The following TMIGD1 variants were observed in gnomAD, a reference collection of about 807,000 sequenced individuals.
The protein encoded by TMIGD1 is transmembrane and immunoglobulin domain containing 1.
In TMIGD1, 29 loss-of-function variants were observed where a neutral mutation model predicts 27.5. The observed-to-expected ratio is 1.05, with a 90% CI of 0.78 to 1.44. TMIGD1 has a LOEUF of 1.44. Ranked by LOEUF, TMIGD1 falls within the 40% of genes most tolerant of loss-of-function variation. The pLI is 0.00. For synonymous variants in TMIGD1, 109 were observed against 110.3 expected, an observed-to-expected ratio of 0.99 and a Z score of 0.07; for missense variants, 334 against 310.6, an observed-to-expected ratio of 1.08 and a Z score of -0.57.
At chr17:30,325,919 CA>C (rs1184953007) in intron 3 of TMIGD1, among the ~76,000 whole-genome samples, 1 of 129,458 alleles carries the variant, frequency 7.7e-6, no homozygotes, top group Non-Finnish European at 1.8e-5. Context: ...GACCCATAGA[CA>C]GTCAACACAT....
intron 2 of TMIGD1, among the ~76,000 whole-genome samples, 196 bp from the exon 3 acceptor site, chr17:30,329,725 G>T (rs1451250952): frequency 1.3e-5 from 2 of 151,968 alleles, no homozygotes; most frequent in African/African-American, 2.4e-5. Context: ...AAAAGAAAAA[G>T]ATTAAAATGT....
Position 30,332,178 on chromosome 17 carries a change from GT to G in TMIGD1, c.-25-21del, listed in dbSNP as rs763879263. The G allele has an allele frequency of 6.6e-7, 1 of 1,518,118 alleles. No individual in the cohort carries two copies. The highest frequency in any genetic ancestry group is 1.2e-5 in the South Asian group (1 of 86,238). The allele number at this position is 1,518,118 out of a possible 1,614,324, so 94.0% of individuals were successfully genotyped here. A position where few individuals can be genotyped will look rare whatever the true frequency, so the allele number is the denominator to read the frequency against. On this transcript the variant is annotated intron_variant, in intron 1 of 6. Transcript: ENST00000328886. ...GATCTACTAAGGGAAAAATAGTGCA[GT>G]TGGTTTTGTACTTTGGTCTGCAATG...
intron 2 of TMIGD1, among the ~76,000 whole-genome samples, chr17:30,330,116 C>T (rs937850838): frequency 6.6e-6 from 1 of 152,052 alleles, no homozygotes; most frequent in African/African-American, 2.4e-5. Context: ...GATTCTCATC[C>T]CCAGACATCT....
Position 30,332,160 on chromosome 17 carries a change from T to C in TMIGD1, c.-25-2A>G. ...TTTAATGAGTTAAACTCAGATCTAC[T>C]AAGGGAAAAATAGTGCAGTTGGTTT... On this transcript the variant is annotated splice_acceptor_variant, in intron 1 of 6. Transcript: ENST00000328886. LOFTEE classifies it low-confidence loss of function (5UTR_SPLICE). 1 of 1,591,092 alleles carries C rather than the reference T, an allele frequency of 6.3e-7. No individual in the cohort carries two copies. Among genetic ancestry groups the C allele is most frequent in the Non-Finnish European group, 8.6e-7 (1 of 1,164,690 alleles).
intron 5 of TMIGD1, 151 bp downstream of exon 5, chr17:30,318,659 C>T: frequency 1.8e-6 from 1 of 560,898 alleles, no homozygotes; most frequent in Non-Finnish European, 3.2e-6. Flanking sequence ...ATTTTTATTC[C>T]CTTGAGCAAC....
chr17:30,328,659 T>TA (rs971870265), intron 3 of TMIGD1, among the ~76,000 whole-genome samples: 3 of 151,880 alleles, frequency 2.0e-5, no homozygotes, highest in Admixed American at 2.0e-4. Flanking sequence ...ATTCTTAATT[T>TA]AAAAAATGAA....
chr17:30,317,759 CAAAAAA>C (rs35218105), intron 5 of TMIGD1, among the ~76,000 whole-genome samples: 2 of 140,322 alleles, frequency 1.4e-5, no homozygotes, highest in Non-Finnish European at 3.1e-5. Context: ...GAATCCATCT[CAAAAAA>C]AAAAAAGAAA....
In TMIGD1 at chr17:30,329,465, T is replaced by C. The variant is rs1909903333; in HGVS notation, c.147A>G (p.Gln49=). Residue 49 remains glutamine, a synonymous_variant, in exon 3 of 7, where the codon CAA becomes CAG. Coordinates refer to ENST00000328886, the MANE Select transcript of TMIGD1 (RefSeq NM_206832.3). ...NYILDTTPGS[Q]ASLICAVQNH... ...TTTGAACAGCACATATCAGAGATGC[T>C]TGGGAGCCAGGTGTAGTATCCAGGA... The C allele has an allele frequency of 1.2e-6, 2 of 1,614,084 alleles. No individual in the cohort carries two copies. The highest frequency in any genetic ancestry group is 1.3e-5 in the African/African-American group (1 of 74,946).
chr17:30,316,534 A>G lies in TMIGD1; in HGVS notation c.*153T>C, dbSNP rs1909419703. ...TTCCATAAAAATGTTCCACAAGTGT[A>G]TCAAATTAGTCCTAACAACTACTGT... On this transcript the variant is annotated 3_prime_UTR_variant, in exon 7 of 7. Transcript: ENST00000328886. The G allele has an allele frequency of 2.9e-6, 2 of 695,570 alleles. No homozygotes were observed. Among genetic ancestry groups the G allele is most frequent in the African/African-American group, 1.8e-5 (1 of 55,080 alleles). The allele number at this position is 695,570 out of a possible 1,614,324, so 43.1% of individuals were successfully genotyped here.
chr17:30,323,483 C>T (rs1316734704), intron 4 of TMIGD1, among the ~76,000 whole-genome samples: 3 of 152,166 alleles, frequency 2.0e-5, no homozygotes, highest in Non-Finnish European at 4.4e-5. Flanking sequence ...TGCCACCAGC[C>T]GTGGGAAGTA....
At chr17:30,332,687 A>AT (rs1450169194) in intron 1 of TMIGD1, among the ~76,000 whole-genome samples, 2 of 151,876 alleles carry the variant, frequency 1.3e-5, no homozygotes, top group African/African-American at 2.4e-5. Context: ...TTCTCCCACT[A>AT]TTCTCTCTCT....
At chr17:30,325,590 T>C (rs146129733) in intron 3 of TMIGD1, among the ~76,000 whole-genome samples, 1 of 152,210 alleles carries the variant, frequency 6.6e-6, no homozygotes, top group Non-Finnish European at 1.5e-5. Context: ...TAATCATACA[T>C]CTCCTGAGAT....
intron 4 of TMIGD1, among the ~76,000 whole-genome samples, chr17:30,324,613 T>C (rs1217027739): frequency 2.0e-5 from 3 of 152,210 alleles, no homozygotes; most frequent in Non-Finnish European, 2.9e-5. Context: ...CAAAAAACAG[T>C]GTCCTGTATG....
intron 3 of TMIGD1, 43 bp downstream of exon 3, chr17:30,329,208 A>C (rs766696885): frequency 5.0e-6 from 8 of 1,594,638 alleles, no homozygotes; most frequent in Admixed American, 1.7e-5. Context: ...CATGTGTTAC[A>C]GACATTACAG....
At chr17:30,332,936 A>G (rs1910027025) in intron 1 of TMIGD1, among the ~76,000 whole-genome samples, 1 of 152,128 alleles carries the variant, frequency 6.6e-6, no homozygotes, top group East Asian at 1.9e-4. Context: ...TTTCAGTCAC[A>G]ATTAAGCCTC....
At position 30,317,235 on chromosome 17, in the gene TMIGD1, T is replaced by G. The variant is rs766734087; in HGVS notation, c.745-2A>C. 52 of 1,613,914 alleles carry G rather than the reference T, an allele frequency of 3.2e-5. No homozygotes were observed. The highest frequency in any genetic ancestry group is 2.8e-4 in the Admixed American group (17 of 59,982). On this transcript the variant is annotated splice_acceptor_variant, in intron 5 of 6. Transcript: ENST00000328886. LOFTEE classifies it high-confidence loss of function. ...AGGGTCTTTATCCTTCATGCAGAGC[T>G]AAAAGCAAACATGGCAGTAAATTAG...
intron 6 of TMIGD1, 88 bp from the exon 7 acceptor site, chr17:30,316,778 C>T (rs1909428630): frequency 7.9e-7 from 1 of 1,271,758 alleles, no homozygotes. Context: ...TGACAACATG[C>T]CTTTGTTCTT....
chr17:30,321,407 A>G (rs1351043111), intron 4 of TMIGD1, among the ~76,000 whole-genome samples: 6 of 152,214 alleles, frequency 3.9e-5, no homozygotes, highest in African/African-American at 1.4e-4. Flanking sequence ...GACGGGAAGG[A>G]GCTTCAGTCA....
intron 4 of TMIGD1, among the ~76,000 whole-genome samples, chr17:30,319,740 G>A (rs1239250334): frequency 6.6e-6 from 1 of 151,998 alleles, no homozygotes; most frequent in Non-Finnish European, 1.5e-5. Flanking sequence ...GGACTAAGAA[G>A]GAGAGAGAGG....
Sources: gnomAD v4.1 joint callset for allele counts (sites outside exome capture counted in the v4.1 genomes callset) on GRCh38, gnomAD v4.1.1 for gene constraint, MANE v1.5 for transcripts, NCBI Gene and HGNC (gene_info 2026-07-23, HGNC 2026-07-21) for gene names.